The following NIPBL variants were observed in gnomAD, a reference collection of about 807,000 sequenced individuals.
NIPBL encodes the protein nipped-B-like protein.
A neutral mutation model predicts 321.8 loss-of-function variants in NIPBL; 19 were observed. That is an observed-to-expected ratio of 0.06 (90% CI 0.04 to 0.09). NIPBL has a LOEUF of 0.09. NIPBL is among the 10% of genes least tolerant of loss of function. The pLI, the probability that NIPBL is intolerant of heterozygous loss-of-function variation, is 1.00. For synonymous variants in NIPBL, 1,106 were observed against 1,114.1 expected (o/e 0.99, Z 0.14); for missense variants, 2,210 against 3,327.0 (o/e 0.66, Z 8.26).
At chr5:36,886,299 C>G (rs1745901351) in intron 1 of NIPBL, 1 of 678,654 alleles carries the variant, frequency 1.5e-6, no homozygotes, top group Non-Finnish European at 2.7e-6. Context: ...AGTACGAGAC[C>G]ATGCTGAACA....
chr5:36,897,834 A>G (rs546385439), intron 1 of NIPBL, among the ~76,000 whole-genome samples: 102 of 151,338 alleles, frequency 6.7e-4, no homozygotes, highest in South Asian at 6.3e-3. Flanking sequence ...TCTTTACTCC[A>G]CTAGTCAGTA....
At chr5:36,901,986 T>C (rs533566390) in intron 1 of NIPBL, among the ~76,000 whole-genome samples, 34 of 152,260 alleles carry the variant, frequency 2.2e-4, no homozygotes, top group Non-Finnish European at 4.6e-4. Flanking sequence ...GTGGTTTTGA[T>C]TTGCATTTCT....
At chr5:36,888,546 C>T (rs1746088148) in intron 1 of NIPBL, among the ~76,000 whole-genome samples, 1 of 152,074 alleles carries the variant, frequency 6.6e-6, no homozygotes, top group African/African-American at 2.4e-5. Flanking sequence ...ACTTAAATAA[C>T]ATTTTCACTT....
At chr5:37,023,099 T>A (rs1270343673) in intron 29 of NIPBL, among the ~76,000 whole-genome samples, 1 of 152,242 alleles carries the variant, frequency 6.6e-6, no homozygotes. Flanking sequence ...AGAGTTTATT[T>A]TGTCACCCTT....
At chr5:36,990,632 G>A (rs1023005739) in intron 10 of NIPBL, among the ~76,000 whole-genome samples, 41 of 152,096 alleles carry the variant, frequency 2.7e-4, no homozygotes, top group Admixed American at 6.5e-4. Context: ...ACAGAAGTTG[G>A]CATAATCTGT....
intron 9 of NIPBL, among the ~76,000 whole-genome samples, chr5:36,979,666 T>C (rs1319732893): frequency 1.3e-5 from 2 of 151,782 alleles, no homozygotes; most frequent in Admixed American, 6.6e-5. Flanking sequence ...AAATGTTGCT[T>C]GTACCTCTTC....
rs1031417413 is a variant in NIPBL, at chr5:37,038,681, C to A, written c.6051C>A (p.Pro2017=). The change falls in exon 34 of 47, where the codon CCC becomes CCA. Residue 2017 remains proline (P), a synonymous_variant. Coordinates refer to ENST00000282516, the MANE Select transcript of NIPBL (RefSeq NM_133433.4). Reference sequence around the variant, plus strand: ...TGTTCTTATTCAGCAAAATAAGACCCCAGCTCATGGTTAAACATGCAATGA... The same window carrying A: ...TGTTCTTATTCAGCAAAATAAGACCACAGCTCATGGTTAAACATGCAATGA... ...TTLFLFSKIR[P]QLMVKHAMTM... 6.2e-7 allele frequency: 1 copy of A among 1,613,600 alleles called. No individual in the cohort carries two copies. The highest frequency in any genetic ancestry group is 1.7e-5 in the Admixed American group (1 of 59,984).
chr5:36,939,027 GGGTCTTGCTCT>G (rs11270957), intron 1 of NIPBL, among the ~76,000 whole-genome samples: 2,177 of 152,058 alleles, frequency 0.014, 61 homozygotes, highest in African/African-American at 0.05. Context: ...TTTTTTCACA[GGGTCTTGCTCT>G]GTCACCCAGG....
chr5:36,980,721 C>G (rs1353478846), intron 9 of NIPBL, among the ~76,000 whole-genome samples: 1 of 151,550 alleles, frequency 6.6e-6, no homozygotes, highest in Admixed American at 6.6e-5. Context: ...AACAGAGACA[C>G]CTCCTAACAA....
chr5:37,021,186 CT>C, intron 27 of NIPBL, among the ~76,000 whole-genome samples: 1 of 152,266 alleles, frequency 6.6e-6, no homozygotes, highest in South Asian at 2.1e-4. Context: ...GTAATCCCAG[CT>C]ACTCGGGAGG....
intron 1 of NIPBL, among the ~76,000 whole-genome samples, chr5:36,951,419 T>A (rs1740275597): frequency 6.6e-6 from 1 of 152,200 alleles, no homozygotes; most frequent in Non-Finnish European, 1.5e-5. Flanking sequence ...AATATGGCAG[T>A]GTACGTGTAC....
chr5:36,906,600 A>G (rs1290950745), intron 1 of NIPBL, among the ~76,000 whole-genome samples: 1 of 152,214 alleles, frequency 6.6e-6, no homozygotes, highest in African/African-American at 2.4e-5. Flanking sequence ...AAGTGAAGTG[A>G]AAATTTAATC....
In NIPBL at chr5:36,876,786, A is replaced by G. The variant is rs1745079633; in HGVS notation, c.-472A>G. On this transcript the variant is annotated 5_prime_UTR_variant, in exon 1 of 47. Coordinates refer to ENST00000282516, the MANE Select transcript of NIPBL (RefSeq NM_133433.4). ...CGGTCGGCATTTTGTTCTGAGAGGGAGAGACGGAACGAGAGAGAGACACAC... is the reference window on the plus strand; with the variant it reads ...CGGTCGGCATTTTGTTCTGAGAGGGGGAGACGGAACGAGAGAGAGACACAC... 1 of 397,022 alleles carries G rather than the reference A, an allele frequency of 2.5e-6. No individual in the cohort carries two copies. Among genetic ancestry groups the G allele is most frequent in the Non-Finnish European group, 4.4e-6 (1 of 224,984 alleles). The allele number at this position is 397,022 out of a possible 1,614,324, so 24.6% of individuals were successfully genotyped here.
chr5:36,910,073 TA>T (rs536210925), intron 1 of NIPBL, among the ~76,000 whole-genome samples: 598 of 135,662 alleles, frequency 4.4e-3, no homozygotes, highest in Middle Eastern at 7.2e-3. Context: ...AGACTCAGTC[TA>T]AAAAAAAAAA....
intron 23 of NIPBL, 86 bp from the exon 24 acceptor site, chr5:37,016,933 A>G (rs1016491063): frequency 2.2e-5 from 22 of 1,000,410 alleles, no homozygotes; most frequent in South Asian, 3.8e-5. Context: ...AAATTATACA[A>G]TTTAGATTGG....
chr5:36,997,936 C>A (rs983669422), intron 11 of NIPBL, among the ~76,000 whole-genome samples: 1 of 152,136 alleles, frequency 6.6e-6, no homozygotes, highest in African/African-American at 2.4e-5. Flanking sequence ...TTCTCAAAAT[C>A]TAAAACCAAG....
intron 1 of NIPBL, among the ~76,000 whole-genome samples, chr5:36,952,169 C>A (rs972050696): frequency 3.3e-5 from 5 of 151,606 alleles, no homozygotes; most frequent in Admixed American, 2.0e-4. Context: ...GTTTTAACTA[C>A]CCGTATAATT....
intron 1 of NIPBL, among the ~76,000 whole-genome samples, chr5:36,890,451 A>G (rs958194561): frequency 5.9e-5 from 9 of 152,228 alleles, no homozygotes; most frequent in Non-Finnish European, 1.3e-4. Flanking sequence ...TTTCATATAG[A>G]ATACACACTT....
intron 1 of NIPBL, among the ~76,000 whole-genome samples, chr5:36,880,290 A>G (rs1299512797): frequency 6.6e-6 from 1 of 152,082 alleles, no homozygotes; most frequent in African/African-American, 2.4e-5. Context: ...CATGTTTGAA[A>G]TACCCCATTG....
Sources: allele counts gnomAD v4.1 joint callset (sites outside exome capture counted in the v4.1 genomes callset), GRCh38; gene constraint gnomAD v4.1.1; transcripts MANE v1.5; gene names NCBI Gene and HGNC (gene_info 2026-07-23, HGNC 2026-07-21).